The following ANK3 variants were observed in gnomAD, a reference collection of about 807,000 sequenced individuals.
ANK3 encodes the protein ankyrin-3.
Under a neutral mutation model 370.9 loss-of-function variants are expected in ANK3, and 57 were observed. The observed-to-expected ratio is 0.15, with a 90% confidence interval of 0.12 to 0.19. The LOEUF (loss-of-function observed/expected upper bound fraction) is 0.19, where lower values mean the gene tolerates loss of function less well. ANK3 is among the 10% of genes least tolerant of loss of function. ANK3 has a pLI of 1.00. For synonymous variants in ANK3, 1,929 were observed against 1,946.3 expected, an observed-to-expected ratio of 0.99 and a Z score of 0.23; for missense variants, 4,439 against 5,302.1, an observed-to-expected ratio of 0.84 and a Z score of 5.06.
chr10:60,222,650 T>C (rs149172751), intron 8 of ANK3, among the ~76,000 whole-genome samples: 1 of 152,274 alleles, frequency 6.6e-6, no homozygotes, highest in Non-Finnish European at 1.5e-5. Context: ...TTCTTCAAGT[T>C]AGCATTCAAA....
rs1347551013 is a variant in ANK3, at chr10:60,704,139, C to A, written c.57+29124G>T. 2.0e-5 allele frequency among the ~76,000 whole-genome samples: 3 copies of A among 152,168 alleles called. No individual in the cohort carries two copies. The East Asian group carries it at 5.8e-4, about 29-fold the overall frequency. On this transcript the variant is annotated intron_variant, in intron 1 of 43. Transcript: ENST00000373827. ...ATATCTTGCCTCTTATATCTTATTG[C>A]CTCTACAAAAGTTAATTCTACATTG...
At chr10:60,109,845 T>C (rs1434277854) in intron 26 of ANK3, among the ~76,000 whole-genome samples, 4 of 152,192 alleles carry the variant, frequency 2.6e-5, no homozygotes, top group African/African-American at 7.2e-5. Flanking sequence ...TATTTTTGGG[T>C]AGAAGCATAT....
At chr10:60,352,116 T>C (rs1414213033) in intron 1 of ANK3, among the ~76,000 whole-genome samples, 1 of 152,060 alleles carries the variant, frequency 6.6e-6, no homozygotes, top group Non-Finnish European at 1.5e-5. Context: ...GCAAACATGG[T>C]GAAACCGTGT....
At chr10:60,473,610 G>A (rs918751077) in intron 2 of ANK3, among the ~76,000 whole-genome samples, 2 of 152,184 alleles carry the variant, frequency 1.3e-5, no homozygotes, top group Middle Eastern at 3.4e-3. Context: ...TGTTCATTTA[G>A]GAGCACTAGG....
At chr10:60,329,483 C>A (rs1210284113) in intron 1 of ANK3, among the ~76,000 whole-genome samples, 3 of 152,118 alleles carry the variant, frequency 2.0e-5, no homozygotes, top group South Asian at 2.1e-4. Context: ...TTTCTATACA[C>A]CAATAATAGA....
intron 17 of ANK3, among the ~76,000 whole-genome samples, chr10:60,183,919 T>C (rs10159896): frequency 6.6e-6 from 1 of 150,980 alleles, no homozygotes; most frequent in Non-Finnish European, 1.5e-5. Context: ...AATAGCAACA[T>C]CTCTGTTTAA....
intron 1 of ANK3, among the ~76,000 whole-genome samples, chr10:60,649,380 A>G (rs555422921): frequency 6.6e-6 from 1 of 152,334 alleles, no homozygotes; most frequent in East Asian, 1.9e-4. Flanking sequence ...CATAGTAATC[A>G]TTTAAGCTAT....
chr10:60,298,394 C>T (rs1164569939), intron 1 of ANK3, among the ~76,000 whole-genome samples: 1 of 152,100 alleles, frequency 6.6e-6, no homozygotes, highest in Admixed American at 6.6e-5. Context: ...GGATTTTGTC[C>T]ATAGTTCAGC....
intron 2 of ANK3, among the ~76,000 whole-genome samples, chr10:60,480,803 G>A (rs1056729089): frequency 3.9e-5 from 6 of 152,158 alleles, no homozygotes; most frequent in Non-Finnish European, 1.5e-5. Context: ...AATCCCCCAA[G>A]CTCTGTGCAA....
At chr10:60,434,712 C>G (rs1339620878) in intron 2 of ANK3, among the ~76,000 whole-genome samples, 1 of 152,172 alleles carries the variant, frequency 6.6e-6, no homozygotes, top group East Asian at 1.9e-4. Flanking sequence ...CAGAGTACGA[C>G]TAGATCTTTT....
chr10:60,554,598 C>A (rs145757573), intron 2 of ANK3, among the ~76,000 whole-genome samples: 2 of 152,192 alleles, frequency 1.3e-5, no homozygotes, highest in East Asian at 3.9e-4. Context: ...AGCCAAAAAC[C>A]ACTATGAATT....
In ANK3 at chr10:60,072,670, G is replaced by A; in HGVS notation, c.8211C>T (p.Asp2737=). Residue 2737 remains aspartate (D), a synonymous_variant, in exon 37 of 44, where the codon GAC becomes GAT. Coordinates refer to ENST00000280772, the MANE Select transcript of ANK3 (RefSeq NM_020987.5). The part of the protein sequence containing the change: ...HAKSKDMSQE[D]RKSDGQSRIP... ...TTCTGGACTGGCCATCTGACTTTCT[G>A]TCTTCTTGAGACATGTCCTTACTTT... 1 of 1,613,960 alleles carries A rather than the reference G, an allele frequency of 6.2e-7. No homozygotes were observed. Among genetic ancestry groups the A allele is most frequent in the Non-Finnish European group, 8.5e-7 (1 of 1,179,976 alleles).
At chr10:60,310,625 G>A (rs552670677) in intron 1 of ANK3, among the ~76,000 whole-genome samples, 2 of 152,334 alleles carry the variant, frequency 1.3e-5, no homozygotes, top group East Asian at 3.9e-4. Context: ...ATGTGACGGT[G>A]CATTAAGAAG....
intron 42 of ANK3, chr10:60,044,401 A>C (rs1182186956): frequency 1.2e-6 from 1 of 840,874 alleles, no homozygotes; most frequent in Admixed American, 6.4e-5. Flanking sequence ...AAATCTCCAC[A>C]CTACTCCAAA....
intron 2 of ANK3, among the ~76,000 whole-genome samples, chr10:60,421,823 TATAA>T (rs1343760817): frequency 6.6e-6 from 1 of 152,080 alleles, no homozygotes; most frequent in African/African-American, 2.4e-5. Context: ...GTCATTACTG[TATAA>T]ACAAGTGGTA....
chr10:60,579,686 T>G (rs1405786370), intron 2 of ANK3, among the ~76,000 whole-genome samples: 1 of 152,204 alleles, frequency 6.6e-6, no homozygotes, highest in African/African-American at 2.4e-5. Flanking sequence ...GTATACTGAT[T>G]GTCATATAGT....
intron 1 of ANK3, among the ~76,000 whole-genome samples, chr10:60,389,023 C>A (rs185402760): frequency 3.5e-4 from 53 of 152,266 alleles, no homozygotes; most frequent in African/African-American, 1.3e-3. Context: ...TCTTTTTCCA[C>A]GAGACAAACC....
intron 2 of ANK3, among the ~76,000 whole-genome samples, chr10:60,558,552 C>T (rs1163054558): frequency 6.6e-6 from 1 of 152,182 alleles, no homozygotes; most frequent in Non-Finnish European, 1.5e-5. Context: ...ATATACCACC[C>T]TATTCCCTCC....
chr10:60,373,957 G>A (rs899907859), intron 1 of ANK3, among the ~76,000 whole-genome samples: 1 of 152,126 alleles, frequency 6.6e-6, no homozygotes, highest in Non-Finnish European at 1.5e-5. Context: ...GAAGGCTGGA[G>A]GAAAAGTACA....
Sources: allele counts gnomAD v4.1 joint callset (sites outside exome capture counted in the v4.1 genomes callset), GRCh38; gene constraint gnomAD v4.1.1; transcripts MANE v1.5; gene names NCBI Gene and HGNC (gene_info 2026-07-23, HGNC 2026-07-21).